Variants in NOSTRIN observed in about 807,000 individuals in gnomAD.
NOSTRIN encodes the protein BM247 homolog.
NOSTRIN carries 63 observed loss-of-function variants against 59.0 expected under a neutral mutation model. The ratio of observed to expected loss-of-function variants is 1.07; its 90% CI spans 0.87 to 1.32. The LOEUF (loss-of-function observed/expected upper bound fraction) is 1.32. NOSTRIN is among the 40% of genes most tolerant of loss of function. The probability of loss-of-function intolerance (pLI) is 0.00; values close to 1 mark genes in which losing one functional copy is unlikely to be tolerated. For missense variants in NOSTRIN, 512 were observed against 473.1 expected (o/e 1.08, Z -0.76); for synonymous variants, 200 against 165.4 (o/e 1.21, Z -1.61).
intron 7 of NOSTRIN, 33 bp from the exon 8 acceptor site, chr2:168,842,959 T>G (rs575674093): frequency 2.8e-5 from 24 of 862,376 alleles, no homozygotes; most frequent in African/African-American, 1.6e-4. Context: ...AAAAATGTGT[T>G]AGTAAATGTG....
At chr2:168,832,109 A>G (rs1249601858) in intron 6 of NOSTRIN, among the ~76,000 whole-genome samples, 1 of 152,204 alleles carries the variant, frequency 6.6e-6, no homozygotes, top group African/African-American at 2.4e-5. Context: ...GGGGATGCGT[A>G]TATCAATTTC....
At chr2:168,849,648 A>C (rs1574324036) in intron 8 of NOSTRIN, among the ~76,000 whole-genome samples, 2 of 132,078 alleles carry the variant, frequency 1.5e-5, no homozygotes, top group Non-Finnish European at 3.1e-5. Flanking sequence ...GAGCCACCGC[A>C]CCTAGCCAGG....
intron 2 of NOSTRIN, among the ~76,000 whole-genome samples, chr2:168,812,846 C>T (rs527542948): frequency 6.6e-6 from 1 of 152,174 alleles, no homozygotes; most frequent in Admixed American, 6.5e-5. Flanking sequence ...CTCAACAACC[C>T]GCAGCATTTT....
In NOSTRIN at chr2:168,834,515, A is replaced by ACACGCG. The variant is rs767460271; in HGVS notation, c.504+193_504+194insGCGCAC. The stretch of plus-strand genomic sequence containing the variant: ...TGCGCGCGCGCGCGCGCGCACACAC[A>ACACGCG]CACACACACACACACACACACACAC... On this transcript the variant is annotated intron_variant, in intron 7 of 15. Coordinates refer to ENST00000317647, the MANE Select transcript of NOSTRIN (RefSeq NM_001039724.4). Among the ~76,000 whole-genome samples, 125 of 144,928 alleles carry ACACGCG rather than the reference A, an allele frequency of 8.6e-4. 2 individuals are homozygous for ACACGCG. The highest frequency in any genetic ancestry group is 8.2e-3 in the East Asian group (33 of 4,042).
chr2:168,838,789 CTTT>C (rs71003059), intron 7 of NOSTRIN, among the ~76,000 whole-genome samples: 4 of 136,268 alleles, frequency 2.9e-5, no homozygotes, highest in African/African-American at 5.6e-5. Flanking sequence ...AAAAAAAACT[CTTT>C]TTTTTTTTTT....
Position 168,862,060 on chromosome 2 carries a change from T to C in NOSTRIN, c.1384+11T>C. ...TGAATTTGGAAAAGGGTAAGAATCATTCTCAAATATTTTAATTGCCTTCCC... is the reference window on the plus strand; with the variant it reads ...TGAATTTGGAAAAGGGTAAGAATCACTCTCAAATATTTTAATTGCCTTCCC... On this transcript the variant is annotated intron_variant, in intron 15 of 15. Coordinates refer to ENST00000317647, the MANE Select transcript of NOSTRIN (RefSeq NM_001039724.4). 6.2e-7 allele frequency: 1 copy of C among 1,610,276 alleles called. No homozygotes were observed. Among genetic ancestry groups the C allele is most frequent in the Non-Finnish European group, 8.5e-7 (1 of 1,176,564 alleles).
At chr2:168,834,507 G>GCGCACACACACACACA (rs756381301) in intron 7 of NOSTRIN, among the ~76,000 whole-genome samples, 182 bp downstream of exon 7, 171 of 125,416 alleles carry the variant, frequency 1.4e-3, no homozygotes, top group Non-Finnish European at 1.8e-3. Flanking sequence ...GCGCGCGCGC[G>GCGCACACACACACACA]CACACACACA....
At chr2:168,816,951 A>G (rs1458977416) in intron 2 of NOSTRIN, among the ~76,000 whole-genome samples, 1 of 152,220 alleles carries the variant, frequency 6.6e-6, no homozygotes, top group Non-Finnish European at 1.5e-5. Flanking sequence ...TGGGTATGTC[A>G]AAAACATTTA....
upstream of NOSTRIN, among the ~76,000 whole-genome samples, chr2:168,796,156 T>C (rs532672968): frequency 2.5e-4 from 38 of 152,330 alleles, no homozygotes; most frequent in South Asian, 7.9e-3. Flanking sequence ...TGGTAAACAC[T>C]GCCATGGCAC....
chr2:168,811,548 T>G lies in NOSTRIN; in HGVS notation c.28-19T>G, dbSNP rs1224353833. The G allele has an allele frequency of 1.3e-6, 1 of 787,510 alleles. No individual in the cohort carries two copies. Among genetic ancestry groups the G allele is most frequent in the South Asian group, 1.6e-5 (1 of 64,282 alleles). 48.8% of individuals were successfully genotyped at this position (787,510 alleles called of 1,614,324 possible). On this transcript the variant is annotated intron_variant, in intron 1 of 15. Coordinates refer to ENST00000317647, the MANE Select transcript of NOSTRIN (RefSeq NM_001039724.4). The stretch of plus-strand genomic sequence containing the variant: ...ATCTTCCTGTTCATTGTTTTTTTGT[T>G]ATTGTTCTTGTTTTTCAGTATAATA...
rs761309524 is a variant in NOSTRIN, at chr2:168,837,300, C to CTTTTTTTTTTTTTT, written c.504+2989_504+3002dup. Among the ~76,000 whole-genome samples, 17 of 62,178 alleles carry CTTTTTTTTTTTTTT rather than the reference C, an allele frequency of 2.7e-4. 3 individuals are homozygous for CTTTTTTTTTTTTTT. Among genetic ancestry groups the CTTTTTTTTTTTTTT allele is most frequent in the Admixed American group, 4.0e-4 (2 of 4,956 alleles). The allele number at this position is 62,178 out of a possible 152,430, so 40.8% of individuals were successfully genotyped here. On this transcript the variant is annotated intron_variant, in intron 7 of 15. Coordinates refer to ENST00000317647, the MANE Select transcript of NOSTRIN (RefSeq NM_001039724.4). ...TTTTTATAATACACTTTTTTAACAT[C>CTTTTTTTTTTTTTT]TTTTTTTTTTTTTTTTTTTTTTTTT...
chr2:168,839,840 C>T lies in NOSTRIN; in HGVS notation c.505-3152C>T, dbSNP rs142071030. Among the ~76,000 whole-genome samples, 578 of 140,090 alleles carry T rather than the reference C, an allele frequency of 4.1e-3. 6 individuals carry two copies. Among genetic ancestry groups the T allele is most frequent in the African/African-American group, 0.015 (532 of 36,368 alleles). The allele number at this position is 140,090 out of a possible 152,430, so 91.9% of individuals were successfully genotyped here. ...GGCGGAGGTTGTAGTGAGCTGAGAT[C>T]GCACCACTGTACTCCAGCCTGGCCG... is the stretch of plus-strand genomic sequence containing the variant. On this transcript the variant is annotated intron_variant, in intron 7 of 15. Coordinates refer to ENST00000317647, the MANE Select transcript of NOSTRIN (RefSeq NM_001039724.4).
chr2:168,834,369 A>G (rs1435181334), intron 7 of NOSTRIN, 44 bp downstream of exon 7: 1 of 855,170 alleles, frequency 1.2e-6, no homozygotes, highest in Admixed American at 1.7e-5. Flanking sequence ...ATAGAGAGGG[A>G]TGGACTTGCT....
intron 7 of NOSTRIN, among the ~76,000 whole-genome samples, chr2:168,839,382 A>G (rs1300157793): frequency 1.3e-5 from 2 of 152,128 alleles, no homozygotes; most frequent in Non-Finnish European, 2.9e-5. Flanking sequence ...TGGTACCTAC[A>G]TAACTCTATC....
chr2:168,860,548 G>A (rs1226216897), intron 13 of NOSTRIN, among the ~76,000 whole-genome samples: 6 of 152,084 alleles, frequency 3.9e-5, no homozygotes, highest in Non-Finnish European at 5.9e-5. Context: ...GTGGGCACCT[G>A]TAATCCCAGC....
At chr2:168,842,590 C>G (rs972409427) in intron 7 of NOSTRIN, among the ~76,000 whole-genome samples, 1 of 152,184 alleles carries the variant, frequency 6.6e-6, no homozygotes, top group East Asian at 1.9e-4. Context: ...TCTACCTAAC[C>G]TGGTAAGAAG....
At chr2:168,788,874 TAC>T (rs1000273804) in intron 2 of NOSTRIN, among the ~76,000 whole-genome samples, 9 of 149,040 alleles carry the variant, frequency 6.0e-5, no homozygotes, top group Non-Finnish European at 7.4e-5. Flanking sequence ...TGTGTGCGTA[TAC>T]ACACACACAG....
chr2:168,830,108 C>A (rs372494457), intron 5 of NOSTRIN, among the ~76,000 whole-genome samples: 3 of 152,306 alleles, frequency 2.0e-5, no homozygotes, highest in East Asian at 3.9e-4. Context: ...TCTGCCTTTG[C>A]AAGCCAACTT....
intron 1 of NOSTRIN, among the ~76,000 whole-genome samples, chr2:168,804,227 C>G (rs1685732482): frequency 6.6e-6 from 1 of 152,214 alleles, no homozygotes; most frequent in African/African-American, 2.4e-5. Flanking sequence ...AACCACACTT[C>G]TGTGTCTGCT....
Sources: allele counts gnomAD v4.1 joint callset (sites outside exome capture counted in the v4.1 genomes callset), GRCh38; gene constraint gnomAD v4.1.1; transcripts MANE v1.5; gene names NCBI Gene and HGNC (gene_info 2026-07-23, HGNC 2026-07-21).